PHC3: variants seen among roughly 807,000 people sequenced by gnomAD.
PHC3 encodes the protein polyhomeotic homolog 3.
In PHC3, 13 loss-of-function variants were observed where a neutral mutation model predicts 107.4. The observed-to-expected ratio is 0.12, with a 90% CI of 0.08 to 0.19. PHC3 has a LOEUF of 0.19. Among genes scored for constraint, PHC3 ranks in the 10% least tolerant of loss-of-function variants. PHC3 has a pLI of 1.00. For missense variants in PHC3, 992 were observed against 1,210.9 expected, an observed-to-expected ratio of 0.82 and a Z score of 2.68; for synonymous variants, 456 against 427.4, an observed-to-expected ratio of 1.07 and a Z score of -0.83.
At chr3:170,115,875 T>TCACACACACACACA (rs1238887514) in intron 10 of PHC3, among the ~76,000 whole-genome samples, 7 of 88,556 alleles carry the variant, frequency 7.9e-5, no homozygotes, top group African/African-American at 3.3e-4. Flanking sequence ...AATCCAAGTT[T>TCACACACACACACA]CTCACACACA....
intron 4 of PHC3, among the ~76,000 whole-genome samples, chr3:170,161,516 A>G (rs535484663): frequency 6.6e-6 from 1 of 152,264 alleles, no homozygotes; most frequent in South Asian, 2.1e-4. Flanking sequence ...GCAGTTCAAA[A>G]TAGGGTTCAC....
At chr3:170,170,178 C>T (rs1386932116) in intron 4 of PHC3, 1 of 152,066 alleles carries the variant, frequency 6.6e-6, no homozygotes, top group African/African-American at 2.4e-5. Context: ...ATTCCTTAAC[C>T]TTCAATTCCT....
At chr3:170,178,585 C>A (rs1730897769) in intron 2 of PHC3, among the ~76,000 whole-genome samples, 188 bp downstream of exon 2, 1 of 152,174 alleles carries the variant, frequency 6.6e-6, no homozygotes. Flanking sequence ...AAATAAGTTT[C>A]TTTTCTTTAC....
At position 170,129,859 on chromosome 3, in the gene PHC3, C is replaced by T. The variant is rs545863008; in HGVS notation, c.920-307G>A. 7.2e-5 allele frequency among the ~76,000 whole-genome samples: 11 copies of T among 152,172 alleles called. No homozygotes were observed. In the South Asian group the frequency reaches 2.3e-3, roughly 32 times the overall value. ...GGATTACAGGTGCCCGCTACCACAC[C>T]CGGCTAACTTCTGTATTTTTAGTAG... On this transcript the variant is annotated intron_variant, in intron 7 of 14. Coordinates refer to ENST00000495893, the MANE Select transcript of PHC3 (RefSeq NM_024947.4).
At chr3:170,130,411 C>A (rs772330823) in intron 7 of PHC3, among the ~76,000 whole-genome samples, 5 of 152,004 alleles carry the variant, frequency 3.3e-5, no homozygotes, top group Non-Finnish European at 7.4e-5. Flanking sequence ...TATCATTTGA[C>A]CCAGGAAGAG....
At chr3:170,175,699 C>T (rs1348034430) in intron 2 of PHC3, among the ~76,000 whole-genome samples, 14 of 150,476 alleles carry the variant, frequency 9.3e-5, no homozygotes, top group Admixed American at 4.0e-4. Context: ...CCGAGGCGGG[C>T]GGATTACCAG....
rs1363430296 is a variant in PHC3 at position 170,145,663 on chromosome 3, T to C, written c.574-142A>G. On this transcript the variant is annotated intron_variant, in intron 5 of 14. Transcript: ENST00000495893. The stretch of plus-strand genomic sequence containing the variant: ...TATCTCCTCAGCAAAAGGTTCTACA[T>C]GACAAAGAGAAGTTTCTGATAATAG... 8 of 482,798 alleles carry C rather than the reference T, an allele frequency of 1.7e-5. No homozygotes were observed. In the South Asian group the frequency reaches 1.7e-4, roughly 10 times the overall value. The allele number at this position is 482,798 out of a possible 1,614,324, so 29.9% of individuals were successfully genotyped here.
At chr3:170,156,382 G>A (rs909405299) in intron 4 of PHC3, among the ~76,000 whole-genome samples, 2 of 151,890 alleles carry the variant, frequency 1.3e-5, no homozygotes, top group African/African-American at 4.8e-5. Flanking sequence ...TCAGCCTCCT[G>A]AGTATCTGCG....
At chr3:170,166,051 T>C (rs1312693433) in intron 4 of PHC3, among the ~76,000 whole-genome samples, 3 of 151,834 alleles carry the variant, frequency 2.0e-5, no homozygotes, top group African/African-American at 7.3e-5. Context: ...ATTTTATTTA[T>C]TTTTATTTTT....
intron 6 of PHC3, among the ~76,000 whole-genome samples, chr3:170,140,578 C>CTTTTT (rs1723886941): frequency 1.1e-5 from 1 of 95,150 alleles, no homozygotes; most frequent in Non-Finnish European, 2.1e-5. Flanking sequence ...TTACTCATTT[C>CTTTTT]TTTTTCTTTT....
In PHC3 at chr3:170,153,951, G is replaced by A. The variant is rs948808815; in HGVS notation, c.415-4707C>T. On this transcript the variant is annotated intron_variant, in intron 4 of 14. Coordinates refer to ENST00000495893, the MANE Select transcript of PHC3 (RefSeq NM_024947.4). Reference sequence around the variant, plus strand: ...GACTAGATTGAGCATCCTTGCCACCGCCATGTCCCAGCCCATCTGCAGCTA... The same window carrying A: ...GACTAGATTGAGCATCCTTGCCACCACCATGTCCCAGCCCATCTGCAGCTA... 2.6e-5 allele frequency among the ~76,000 whole-genome samples: 4 copies of A among 151,886 alleles called. No individual in the cohort carries two copies. The East Asian group carries it at 5.8e-4, about 22-fold the overall frequency.
At chr3:170,127,813 G>C (rs1721591880) in intron 8 of PHC3, among the ~76,000 whole-genome samples, 1 of 152,046 alleles carries the variant, frequency 6.6e-6, no homozygotes, top group Non-Finnish European at 1.5e-5. Flanking sequence ...CCTTATTTCA[G>C]TTTTATAAAT....
At chr3:170,107,012 T>A (rs996819957) in intron 11 of PHC3, 66 bp from the exon 12 acceptor site, 1 of 1,192,836 alleles carries the variant, frequency 8.4e-7, no homozygotes, top group Non-Finnish European at 1.2e-6. Context: ...TTTCTTTAAG[T>A]CTATACTTTG....
rs1713803455 is a variant in PHC3 at position 170,089,079 on chromosome 3, A to C, written c.*8151T>G. ...CTACTTGGGAGGCCAAGGTGGGAGA[A>C]TCTATTGAACCTGGGAGGTGGAGGT... On this transcript the variant is annotated 3_prime_UTR_variant, in exon 15 of 15. Transcript: ENST00000495893. 6.6e-6 allele frequency: 1 copy of C among 152,268 alleles called. No individual in the cohort carries two copies. Among genetic ancestry groups the C allele is most frequent in the African/African-American group, 2.4e-5 (1 of 41,440 alleles). The allele number at this position is 152,268 out of a possible 1,614,324, so 9.4% of individuals were successfully genotyped here.
intron 11 of PHC3, among the ~76,000 whole-genome samples, chr3:170,112,602 C>T (rs1032959843): frequency 4.7e-5 from 7 of 150,306 alleles, no homozygotes. Context: ...CAGCTCACTG[C>T]AACCTCCGCC....
At chr3:170,114,789 TAA>T (rs1166496712) in intron 10 of PHC3, among the ~76,000 whole-genome samples, 2 of 152,364 alleles carry the variant, frequency 1.3e-5, no homozygotes, top group African/African-American at 4.8e-5. Flanking sequence ...GAATGCTGGT[TAA>T]GTCTCCAATA....
chr3:170,095,119 G>A lies in PHC3; in HGVS notation c.*2111C>T, dbSNP rs1286727674. ...GCCATCTCTTACTAATGCTTAGCCTGTATTTGTGTTCTGAAATTCCAAGAA... is the reference window on the plus strand; with the variant it reads ...GCCATCTCTTACTAATGCTTAGCCTATATTTGTGTTCTGAAATTCCAAGAA... On this transcript the variant is annotated 3_prime_UTR_variant, in exon 15 of 15. Coordinates refer to ENST00000495893, the MANE Select transcript of PHC3 (RefSeq NM_024947.4). 1 of 152,056 alleles carries A rather than the reference G, an allele frequency of 6.6e-6. No homozygotes were observed. Among genetic ancestry groups the A allele is most frequent in the Non-Finnish European group, 1.5e-5 (1 of 68,002 alleles). 9.4% of individuals were successfully genotyped at this position (152,056 alleles called of 1,614,324 possible).
At chr3:170,168,747 C>T (rs1729125212) in intron 4 of PHC3, among the ~76,000 whole-genome samples, 1 of 128,660 alleles carries the variant, frequency 7.8e-6, no homozygotes, top group African/African-American at 3.0e-5. Context: ...GAGCGAGACT[C>T]CGTCTCAAAA....
At chr3:170,141,265 T>A (rs528621387) in intron 6 of PHC3, among the ~76,000 whole-genome samples, 1 of 152,292 alleles carries the variant, frequency 6.6e-6, no homozygotes, top group East Asian at 1.9e-4. Flanking sequence ...CACCTACCAA[T>A]GCCAGACTCA....
Sources: allele counts gnomAD v4.1 joint callset (sites outside exome capture counted in the v4.1 genomes callset), GRCh38; gene constraint gnomAD v4.1.1; transcripts MANE v1.5; gene names NCBI Gene and HGNC (gene_info 2026-07-23, HGNC 2026-07-21).